LRP1B: variants seen among roughly 807,000 people sequenced by gnomAD.
LRP1B encodes the protein LDL receptor related protein 1B.
Under a neutral mutation model 556.6 loss-of-function variants are expected in LRP1B, and 217 were observed. The observed-to-expected ratio is 0.39, with a 90% CI of 0.35 to 0.44. The LOEUF (loss-of-function observed/expected upper bound fraction) is 0.44, where lower values mean the gene tolerates loss of function less well. LRP1B is among the 20% of genes least tolerant of loss of function. The pLI is 1.00. For missense variants in LRP1B, 5,053 were observed against 5,620.8 expected (o/e 0.90, Z 3.23); for synonymous variants, 2,047 against 1,865.8 (o/e 1.10, Z -2.50).
intron 3 of LRP1B, among the ~76,000 whole-genome samples, chr2:141,338,392 C>T (rs1182149005): frequency 6.6e-6 from 1 of 152,144 alleles, no homozygotes; most frequent in African/African-American, 2.4e-5. Context: ...CTAGAGGTTT[C>T]TTCTGGAGCT....
At chr2:141,644,007 AGAGTGTGTGTGTGTGTGTGT>A (rs1222128798) in intron 2 of LRP1B, among the ~76,000 whole-genome samples, 10 of 142,320 alleles carry the variant, frequency 7.0e-5, no homozygotes, top group Non-Finnish European at 1.4e-4. Flanking sequence ...GAGAATGTGG[AGAGTGTGTGTGTGTGTGTGT>A]GTGTGTGTGT....
chr2:141,662,852 C>T (rs1474122036), intron 2 of LRP1B, among the ~76,000 whole-genome samples: 4 of 152,048 alleles, frequency 2.6e-5, no homozygotes, highest in African/African-American at 7.2e-5. Context: ...CAGAACTCTT[C>T]ACCCCAAAAC....
At chr2:140,363,994 G>A (rs1682637984) in intron 72 of LRP1B, among the ~76,000 whole-genome samples, 2 of 151,586 alleles carry the variant, frequency 1.3e-5, no homozygotes, top group Non-Finnish European at 3.0e-5. Flanking sequence ...CATTAAAATA[G>A]ATCCTTTATG....
chr2:141,810,168 G>GTAAA, intron 2 of LRP1B, 111 bp downstream of exon 2: 1 of 235,132 alleles, frequency 4.3e-6, no homozygotes, highest in Non-Finnish European at 5.8e-6. Context: ...AAAGAAAGAA[G>GTAAA]GAAAGAAAGA....
intron 3 of LRP1B, among the ~76,000 whole-genome samples, chr2:141,375,825 G>A (rs1689408758): frequency 6.6e-6 from 1 of 152,150 alleles, no homozygotes; most frequent in Non-Finnish European, 1.5e-5. Context: ...GTGGGGCAGT[G>A]AGTACTGCCC....
At chr2:140,499,182 T>C (rs747301578) in intron 55 of LRP1B, among the ~76,000 whole-genome samples, 13 of 152,016 alleles carry the variant, frequency 8.6e-5, no homozygotes, top group African/African-American at 3.1e-4. Flanking sequence ...TTAACATGTG[T>C]TTCTGGATGA....
intron 49 of LRP1B, among the ~76,000 whole-genome samples, chr2:140,525,252 T>A (rs764300991): frequency 4.2e-4 from 64 of 151,844 alleles, no homozygotes; most frequent in Non-Finnish European, 6.9e-4. Context: ...TTTTTTAATT[T>A]CATGTCCTCA....
At chr2:140,486,370 A>G (rs1047581067) in intron 58 of LRP1B, among the ~76,000 whole-genome samples, 2 of 151,968 alleles carry the variant, frequency 1.3e-5, no homozygotes, top group East Asian at 3.9e-4. Context: ...TCAATCTCCT[A>G]TACTTAAATG....
At chr2:141,475,862 A>T (rs1312950116) in intron 3 of LRP1B, among the ~76,000 whole-genome samples, 1 of 152,060 alleles carries the variant, frequency 6.6e-6, no homozygotes, top group Non-Finnish European at 1.5e-5. Context: ...TTCCATTGAG[A>T]ACCACCTCCG....
intron 20 of LRP1B, among the ~76,000 whole-genome samples, chr2:140,932,132 G>A (rs1223552456): frequency 6.6e-6 from 1 of 152,150 alleles, no homozygotes; most frequent in African/African-American, 2.4e-5. Flanking sequence ...ATATCTCTGT[G>A]AGGGAGGGAT....
intron 11 of LRP1B, among the ~76,000 whole-genome samples, chr2:141,038,005 A>G (rs1231204259): frequency 6.6e-6 from 1 of 151,902 alleles, no homozygotes; most frequent in African/African-American, 2.4e-5. Context: ...TTCAAATAAG[A>G]TTTTTTAAAT....
At chr2:140,743,884 T>C (rs1304521622) in intron 35 of LRP1B, among the ~76,000 whole-genome samples, 6 of 136,744 alleles carry the variant, frequency 4.4e-5, no homozygotes, top group African/African-American at 1.6e-4. Flanking sequence ...GTAGAATCAC[T>C]TGAACCCAGG....
chr2:140,953,079 T>C (rs7340239), intron 18 of LRP1B, among the ~76,000 whole-genome samples: 270 of 152,114 alleles, frequency 1.8e-3, no homozygotes, highest in African/African-American at 6.3e-3. Context: ...ATGGTCCATA[T>C]TCTTTTTGTT....
At chr2:140,514,853 A>T in intron 50 of LRP1B, 81 bp from the exon 51 acceptor site, 1 of 1,275,956 alleles carries the variant, frequency 7.8e-7, no homozygotes, top group Non-Finnish European at 1.0e-6. Context: ...ATTCTTTCTT[A>T]GACTTTGCTA....
intron 2 of LRP1B, among the ~76,000 whole-genome samples, chr2:141,766,028 T>G (rs1256772535): frequency 6.6e-6 from 1 of 152,224 alleles, no homozygotes; most frequent in Non-Finnish European, 1.5e-5. Context: ...TGCTTTTGTT[T>G]CCTCTCCATT....
chr2:140,558,236 T>C (rs972162346), intron 43 of LRP1B, among the ~76,000 whole-genome samples: 1 of 152,142 alleles, frequency 6.6e-6, no homozygotes, highest in African/African-American at 2.4e-5. Context: ...ATAGTGTCTG[T>C]ATGGCCGAAC....
intron 18 of LRP1B, among the ~76,000 whole-genome samples, chr2:140,967,339 C>CCGTT (rs1696259365): frequency 6.8e-6 from 1 of 147,628 alleles, no homozygotes; most frequent in Non-Finnish European, 1.5e-5. Flanking sequence ...ATTTGGCTCT[C>CCGTT]TGTCTGTTAT....
intron 1 of LRP1B, among the ~76,000 whole-genome samples, chr2:142,121,368 A>G (rs1399602685): frequency 6.6e-6 from 1 of 152,152 alleles, no homozygotes; most frequent in Non-Finnish European, 1.5e-5. Context: ...CAAATGCCTC[A>G]ATTTGATCTG....
intron 27 of LRP1B, among the ~76,000 whole-genome samples, chr2:140,866,249 C>G (rs1457016686): frequency 5.3e-5 from 8 of 152,072 alleles, no homozygotes; most frequent in Non-Finnish European, 1.5e-5. Context: ...ACAGTGTTTG[C>G]TTACAGCTAA....
Sources: allele counts gnomAD v4.1 joint callset (sites outside exome capture counted in the v4.1 genomes callset), GRCh38; gene constraint gnomAD v4.1.1; transcripts MANE v1.5; gene names NCBI Gene and HGNC (gene_info 2026-07-23, HGNC 2026-07-21).